Variants in PDZD2 observed in about 807,000 individuals in gnomAD.
The protein encoded by PDZD2 is PDZ domain-containing protein 2.
Under a neutral mutation model 220.7 loss-of-function variants are expected in PDZD2, and 90 were observed. That is an observed-to-expected ratio of 0.41 (90% CI 0.34 to 0.49). The LOEUF is 0.49. PDZD2 is among the 20% of genes least tolerant of loss of function. The pLI, the probability that PDZD2 is intolerant of heterozygous loss-of-function variation, is 0.28. For synonymous variants in PDZD2, 1,375 were observed against 1,450.5 expected (o/e 0.95, Z 1.18); for missense variants, 3,174 against 3,608.5 (o/e 0.88, Z 3.08).
chr5:32,089,488 C>G lies in PDZD2; in HGVS notation c.6040C>G (p.Pro2014Ala). ...CCTCTCTGAACCCGACAGAGGTTGC[C>G]CAACCACCCCTAAATCTCCTAAGTG... ...AVLSEPDRGC[P>A]TTPKSPKCRA... The change falls in exon 20 of 25, where the codon CCA becomes GCA. Residue 2014 changes from proline (P) to alanine (A), a missense_variant. Pro to Ala is a conservative substitution (Grantham distance 27, BLOSUM62 -1). Around this residue, in one of 4 missense-constraint regions of PDZD2, gnomAD observed 1,861 missense variants for 2,001.0 expected, o/e 0.93. Transcript: ENST00000438447. The G allele has an allele frequency of 1.2e-6, 2 of 1,613,406 alleles. No homozygotes were observed. The highest frequency in any genetic ancestry group is 1.1e-5 in the South Asian group (1 of 91,074).
chr5:31,646,540 T>A lies in PDZD2; in HGVS notation c.-361+7103T>A, dbSNP rs1745142776. 6.6e-6 allele frequency among the ~76,000 whole-genome samples: 1 copy of A among 152,206 alleles called. No individual in the cohort carries two copies. Among genetic ancestry groups the A allele is most frequent in the Non-Finnish European group, 1.5e-5 (1 of 68,030 alleles). On this transcript the variant is annotated intron_variant, in intron 1 of 24. Coordinates refer to ENST00000438447, the MANE Select transcript of PDZD2 (RefSeq NM_178140.4). This position sits in a 1 kb window ranked among gnomAD's most constrained non-coding sequence, Gnocchi z 4.7. ...TCAATAAACTCTACATTTTTGTGTGTTGGCCAATGGACACTTATAAAATGT... is the reference window on the plus strand; with the variant it reads ...TCAATAAACTCTACATTTTTGTGTGATGGCCAATGGACACTTATAAAATGT...
At chr5:31,879,393 GAAA>G (rs11320736) in intron 2 of PDZD2, among the ~76,000 whole-genome samples, 1 of 130,680 alleles carries the variant, frequency 7.7e-6, no homozygotes. Context: ...TCTCAAAAAG[GAAA>G]AAAAAAAAAA....
At chr5:31,978,199 G>A (rs1429112359) in intron 2 of PDZD2, among the ~76,000 whole-genome samples, 1 of 152,180 alleles carries the variant, frequency 6.6e-6, no homozygotes, top group Admixed American at 6.5e-5. Context: ...TGTTTATGGA[G>A]AGGAAGCCTT....
chr5:32,007,949 A>G (rs1193925698), intron 5 of PDZD2, among the ~76,000 whole-genome samples: 1 of 152,010 alleles, frequency 6.6e-6, no homozygotes, highest in Non-Finnish European at 1.5e-5. Flanking sequence ...ACCTGTACAT[A>G]AGATCAAAGG....
At position 31,675,600 on chromosome 5, in the gene PDZD2, C is replaced by T. The variant is rs1478049827; in HGVS notation, c.-361+36163C>T. Among the ~76,000 whole-genome samples, 7 of 152,216 alleles carry T rather than the reference C, an allele frequency of 4.6e-5. No homozygotes were observed. The East Asian group carries it at 1.3e-3, about 29-fold the overall frequency. On this transcript the variant is annotated intron_variant, in intron 1 of 24. Transcript: ENST00000438447. ...AAAAGCAGTTGTTCCAGAATAGGTG[C>T]CCTTTCCACTAAGGCCTTGCACTCC...
At chr5:32,042,625 C>T (rs887118161) in intron 7 of PDZD2, among the ~76,000 whole-genome samples, 10 of 152,058 alleles carry the variant, frequency 6.6e-5, no homozygotes, top group Non-Finnish European at 7.4e-5. Context: ...ATTTTGTGCT[C>T]ATGACTCAGA....
Position 32,060,989 on chromosome 5 carries a change from T to C in PDZD2, c.2319-13T>C, listed in dbSNP as rs1345398924. The C allele has an allele frequency of 6.2e-7, 1 of 1,613,962 alleles. No homozygotes were observed. The highest frequency in any genetic ancestry group is 1.3e-5 in the African/African-American group (1 of 74,922). Reference sequence around the variant, plus strand: ...CTGCTAACACAGAGTGTGGATTCTGTTGCCCTCCCTAGCCGCGGGGATCAA... The same window carrying C: ...CTGCTAACACAGAGTGTGGATTCTGCTGCCCTCCCTAGCCGCGGGGATCAA... On this transcript the variant is annotated splice_polypyrimidine_tract_variant and intron_variant, in intron 13 of 24. Coordinates refer to ENST00000438447, the MANE Select transcript of PDZD2 (RefSeq NM_178140.4).
Position 31,810,075 on chromosome 5 carries a change from G to T in PDZD2, c.476+10351G>T, listed in dbSNP as rs191500971. ...AGAGAAGAAAGATAAAAGCATCTTA[G>T]TGTGGTTATAGTGTTACTGGTCCAA... On this transcript the variant is annotated intron_variant, in intron 2 of 24. Transcript: ENST00000438447. Among the ~76,000 whole-genome samples, 5 of 152,306 alleles carry T rather than the reference G, an allele frequency of 3.3e-5. No individual in the cohort carries two copies. In the East Asian group the frequency reaches 9.6e-4, roughly 29 times the overall value.
chr5:31,697,789 G>A (rs1372760447), intron 1 of PDZD2, among the ~76,000 whole-genome samples: 1 of 152,190 alleles, frequency 6.6e-6, no homozygotes, highest in Non-Finnish European at 1.5e-5. Flanking sequence ...AAGAAGCCAC[G>A]AGACCTTTGG....
At chr5:31,826,191 T>C (rs1016903060) in intron 2 of PDZD2, among the ~76,000 whole-genome samples, 7 of 152,122 alleles carry the variant, frequency 4.6e-5, no homozygotes, top group African/African-American at 1.4e-4. Flanking sequence ...GATAATCGTG[T>C]TGGTTTCATG....
chr5:31,839,640 C>G (rs1402927209), intron 2 of PDZD2, among the ~76,000 whole-genome samples: 1 of 152,164 alleles, frequency 6.6e-6, no homozygotes, highest in South Asian at 2.1e-4. Context: ...TTGAGCATTA[C>G]AGGTTCAAGA....
chr5:32,080,665 G>A (rs935526597), intron 19 of PDZD2, among the ~76,000 whole-genome samples: 2 of 152,094 alleles, frequency 1.3e-5, no homozygotes, highest in African/African-American at 4.8e-5. Context: ...AGGTAGGCCA[G>A]TTTTTGTCAA....
In PDZD2 at chr5:32,074,408, C is replaced by G; in HGVS notation, c.3302C>G (p.Thr1101Ser). 6.2e-7 allele frequency: 1 copy of G among 1,614,194 alleles called. No homozygotes were observed. The highest frequency in any genetic ancestry group is 1.1e-5 in the South Asian group (1 of 91,090). Reference sequence around the variant, plus strand: ...ACAGACACCCAGAGTCCGACGAACACTGGGAGCCCCAGTTCCCCCCAGCAG... The same window carrying G: ...ACAGACACCCAGAGTCCGACGAACAGTGGGAGCCCCAGTTCCCCCCAGCAG... ...VRTDTQSPTN[T>S]GSPSSPQQKS... The change falls in exon 18 of 25, where the codon ACT becomes AGT. Residue 1101 changes from threonine to serine, a missense_variant. By Grantham distance (58) the Thr-to-Ser change is moderately conservative. This residue lies in a region of PDZD2 where 1,861 missense variants were observed against 2,001.0 expected (regional missense o/e 0.93). Transcript: ENST00000438447.
intron 2 of PDZD2, among the ~76,000 whole-genome samples, chr5:31,865,031 T>C (rs1005450501): frequency 2.6e-5 from 4 of 151,634 alleles, no homozygotes; most frequent in African/African-American, 9.7e-5. Context: ...GTATTTTTAG[T>C]AGAGACGGGG....
chr5:32,092,167 G>C (rs1392998856), intron 20 of PDZD2, among the ~76,000 whole-genome samples: 3 of 151,470 alleles, frequency 2.0e-5, no homozygotes, highest in Non-Finnish European at 4.4e-5. Context: ...CCACCTACTT[G>C]GGAGGCTGAG....
At chr5:31,942,940 C>T (rs10063367) in intron 2 of PDZD2, among the ~76,000 whole-genome samples, 84,867 of 151,998 alleles carry the variant, frequency 0.56, 24,035 homozygotes, top group East Asian at 0.83. Flanking sequence ...CGGTGACTCA[C>T]GCCTGTAATC....
chr5:31,887,335 G>C (rs1740600286), intron 2 of PDZD2, among the ~76,000 whole-genome samples: 1 of 152,196 alleles, frequency 6.6e-6, no homozygotes, highest in South Asian at 2.1e-4. Flanking sequence ...AGTGACTCTT[G>C]CTTCAGAAAT....
intron 1 of PDZD2, among the ~76,000 whole-genome samples, chr5:31,665,638 T>TCCC (rs202150349): frequency 3.3e-4 from 25 of 75,664 alleles, no homozygotes; most frequent in Non-Finnish European, 5.2e-4. Context: ...GTTTGGAAGT[T>TCCC]CCCCCTCCCC....
chr5:32,103,081 A>C (rs1214787973), intron 24 of PDZD2, among the ~76,000 whole-genome samples: 1 of 152,026 alleles, frequency 6.6e-6, no homozygotes, highest in Non-Finnish European at 1.5e-5. Flanking sequence ...TAAAGAGATG[A>C]CTACAAAAAG....
Sources: allele counts gnomAD v4.1 joint callset (sites outside exome capture counted in the v4.1 genomes callset), GRCh38; gene constraint gnomAD v4.1.1; regional missense constraint gnomAD v4.1.1; non-coding constraint Gnocchi (gnomAD v3.1); transcripts MANE v1.5; gene names NCBI Gene and HGNC (gene_info 2026-07-23, HGNC 2026-07-21).